DLGAP2: variants seen among roughly 807,000 people sequenced by gnomAD.
DLGAP2 encodes the protein disks large-associated protein 2.
DLGAP2 carries 26 observed loss-of-function variants against 100.3 expected under a neutral mutation model. The observed-to-expected ratio is 0.26, with a 90% CI of 0.19 to 0.36. The LOEUF (loss-of-function observed/expected upper bound fraction) is 0.36. Ranked by LOEUF, DLGAP2 falls within the 10% of genes least tolerant of loss-of-function variation. The pLI, the probability that DLGAP2 is intolerant of heterozygous loss-of-function variation, is 1.00. For missense variants in DLGAP2, 1,858 were observed against 1,453.2 expected, an observed-to-expected ratio of 1.28 and a Z score of -4.53; for synonymous variants, 886 against 630.1, an observed-to-expected ratio of 1.41 and a Z score of -6.08.
At chr8:1,235,552 G>A (rs62486953) in intron 2 of DLGAP2, among the ~76,000 whole-genome samples, 873 of 13,114 alleles carry the variant, frequency 0.067, 118 homozygotes, top group Middle Eastern at 0.21. Flanking sequence ...CTCACATGGC[G>A]CCATGTCTAG....
rs1341634777 is a variant in DLGAP2 at position 1,435,809 on chromosome 8, C to CA, written c.107-65556dup. 2.0e-5 allele frequency among the ~76,000 whole-genome samples: 3 copies of CA among 151,948 alleles called. 1 individual carries two copies. The highest frequency in any genetic ancestry group is 1.3e-4 in the Admixed American group (2 of 15,248). ...TGAAGCTGGAAGATGGTGATATCGACAGTCCTGACCCTGCGCAGGTAGAGG... is the reference window on the plus strand; with the variant it reads ...TGAAGCTGGAAGATGGTGATATCGACAAGTCCTGACCCTGCGCAGGTAGAGG... On this transcript the variant is annotated intron_variant, in intron 3 of 14. Transcript: ENST00000637795.
intron 1 of DLGAP2, among the ~76,000 whole-genome samples, chr8:832,101 T>C (rs1030315905): frequency 6.6e-6 from 1 of 152,228 alleles, no homozygotes; most frequent in African/African-American, 2.4e-5. Context: ...TCCTTGTAAA[T>C]TCTGGATATT....
chr8:738,277 A>G (rs1302436159), intron 1 of DLGAP2, among the ~76,000 whole-genome samples: 3 of 151,134 alleles, frequency 2.0e-5, no homozygotes, highest in Non-Finnish European at 4.4e-5. Context: ...GCCCGGGTGG[A>G]AACGCCGACG....
rs565033581 is a variant in DLGAP2 at position 1,617,327 on chromosome 8, A to T, written c.1443-9413A>T. On this transcript the variant is annotated intron_variant, in intron 6 of 14. Coordinates refer to ENST00000637795, the MANE Select transcript of DLGAP2 (RefSeq NM_001346810.2). ...CTCTGCTTTCCCCAATGGTTGAACTAATTTATGCTCCCACCAGCAGTGTAT... is the reference window on the plus strand; with the variant it reads ...CTCTGCTTTCCCCAATGGTTGAACTTATTTATGCTCCCACCAGCAGTGTAT... Among the ~76,000 whole-genome samples, 4 of 152,296 alleles carry T rather than the reference A, an allele frequency of 2.6e-5. No individual in the cohort carries two copies. The South Asian group carries it at 8.3e-4, about 32-fold the overall frequency.
At chr8:1,484,772 T>C (rs1380406547) in intron 3 of DLGAP2, among the ~76,000 whole-genome samples, 1 of 152,156 alleles carries the variant, frequency 6.6e-6, no homozygotes, top group Non-Finnish European at 1.5e-5. Context: ...GGGACAGAGG[T>C]GGTAGCAGAG....
chr8:1,347,594 G>T (rs1188058052), intron 3 of DLGAP2, among the ~76,000 whole-genome samples: 17 of 151,964 alleles, frequency 1.1e-4, no homozygotes, highest in East Asian at 3.9e-4. Context: ...ACTGTGTGGA[G>T]GTTGAGTTCC....
chr8:888,181 A>C (rs568150616), intron 1 of DLGAP2, among the ~76,000 whole-genome samples: 2 of 152,202 alleles, frequency 1.3e-5, no homozygotes, highest in East Asian at 3.9e-4. Context: ...CAATTAAGCT[A>C]TTGATACTTG....
chr8:1,490,939 G>A (rs1180392067), intron 3 of DLGAP2, among the ~76,000 whole-genome samples: 2 of 150,172 alleles, frequency 1.3e-5, no homozygotes, highest in Non-Finnish European at 3.0e-5. Flanking sequence ...ATGAGTTAAT[G>A]GGTGCAGCAC....
chr8:1,047,580 G>T (rs986078243), intron 2 of DLGAP2, among the ~76,000 whole-genome samples: 5 of 152,170 alleles, frequency 3.3e-5, no homozygotes, highest in Non-Finnish European at 5.9e-5. Context: ...TATTTCCCAA[G>T]GTTCTGGGGT....
chr8:893,328 C>T (rs1306831415), intron 1 of DLGAP2, among the ~76,000 whole-genome samples: 1 of 152,160 alleles, frequency 6.6e-6, no homozygotes, highest in Non-Finnish European at 1.5e-5. Context: ...GGTGGAAGAC[C>T]CTGAACTGCT....
chr8:1,129,658 T>C (rs1796244680), intron 2 of DLGAP2, among the ~76,000 whole-genome samples: 1 of 152,196 alleles, frequency 6.6e-6, no homozygotes, highest in African/African-American at 2.4e-5. Flanking sequence ...TCATTTTTGC[T>C]TAGTTTTCTT....
chr8:1,642,186 A>C (rs71518074), intron 8 of DLGAP2, among the ~76,000 whole-genome samples: 33 of 12,682 alleles, frequency 2.6e-3, no homozygotes, highest in Non-Finnish European at 3.0e-3. Flanking sequence ...TCACCCTCCA[A>C]CCCGCCGGTC....
chr8:1,310,411 C>T (rs190614038), intron 3 of DLGAP2, among the ~76,000 whole-genome samples: 2 of 152,212 alleles, frequency 1.3e-5, no homozygotes, highest in African/African-American at 4.8e-5. Flanking sequence ...TAAGGGGTAG[C>T]TCTAATCATA....
In DLGAP2 at chr8:1,563,856, A is replaced by G. The variant is rs550370355; in HGVS notation, c.1231-1827A>G. ...AGTGCTGTCGATCGGCTCACAGGCAATATGGACACTGGAAAGATGGCAGGT... is the reference window on the plus strand; with the variant it reads ...AGTGCTGTCGATCGGCTCACAGGCAGTATGGACACTGGAAAGATGGCAGGT... On this transcript the variant is annotated intron_variant, in intron 5 of 14. Transcript: ENST00000637795. Among the ~76,000 whole-genome samples the G allele has an allele frequency of 4.3e-4, 65 of 152,302 alleles. 1 individual carries two copies. The South Asian group carries it at 0.013, about 30-fold the overall frequency.
rs751103753 is a variant in DLGAP2, at chr8:1,669,778, G to A, written c.2196G>A (p.Arg732=). The change falls in exon 10 of 15, where the codon AGG becomes AGA. Residue 732 remains arginine, a synonymous_variant. Coordinates refer to ENST00000637795, the MANE Select transcript of DLGAP2 (RefSeq NM_001346810.2). Reference sequence around the variant, plus strand: ...TCCCAGAGCATCAGCCATACCCAAGGTCAGATGTAAGTACCGAAATGTGCT... The same window carrying A: ...TCCCAGAGCATCAGCCATACCCAAGATCAGATGTAAGTACCGAAATGTGCT... ...SEFPEHQPYP[R]SDVETATDSD... is the part of the protein sequence containing the mutation. 1.3e-6 allele frequency: 1 copy of A among 780,884 alleles called. No individual in the cohort carries two copies. The highest frequency in any genetic ancestry group is 2.4e-6 in the Non-Finnish European group (1 of 417,982). The allele number at this position is 780,884 out of a possible 1,614,324, so 48.4% of individuals were successfully genotyped here.
intron 6 of DLGAP2, chr8:1,621,114 A>G (rs1563261706): frequency 6.6e-6 from 1 of 152,234 alleles, no homozygotes; most frequent in Admixed American, 6.5e-5. Context: ...CCTTTCTTGC[A>G]CTTCCAAGCA....
intron 2 of DLGAP2, among the ~76,000 whole-genome samples, chr8:1,228,003 A>C (rs917486853): frequency 6.6e-6 from 1 of 152,082 alleles, no homozygotes; most frequent in Non-Finnish European, 1.5e-5. Flanking sequence ...GCATGTTATG[A>C]CATGTTATAT....
At chr8:1,456,604 T>C (rs1563160525) in intron 3 of DLGAP2, among the ~76,000 whole-genome samples, 1 of 152,198 alleles carries the variant, frequency 6.6e-6, no homozygotes, top group Non-Finnish European at 1.5e-5. Flanking sequence ...AACTAAGCAA[T>C]TTAATTAATG....
At chr8:766,457 A>G (rs1585840172) in intron 1 of DLGAP2, among the ~76,000 whole-genome samples, 1 of 152,308 alleles carries the variant, frequency 6.6e-6, no homozygotes, top group East Asian at 1.9e-4. Flanking sequence ...TGTCCTCCGG[A>G]ATTGAACTCT....
Sources: gnomAD v4.1 joint callset for allele counts (sites outside exome capture counted in the v4.1 genomes callset) on GRCh38, gnomAD v4.1.1 for gene constraint, MANE v1.5 for transcripts, NCBI Gene and HGNC (gene_info 2026-07-23, HGNC 2026-07-21) for gene names.